Variants in WHAMM observed in about 807,000 individuals in gnomAD.
WHAMM encodes the protein WASP homolog associated with actin, golgi membranes and microtubules.
Under a neutral mutation model 76.5 loss-of-function variants are expected in WHAMM, and 67 were observed. The observed-to-expected ratio is 0.88, with a 90% confidence interval of 0.72 to 1.07. The LOEUF (loss-of-function observed/expected upper bound fraction) is 1.07, where lower values mean the gene tolerates loss of function less well. WHAMM is among the 50% of genes least tolerant of loss of function. The pLI is 0.00. For synonymous variants in WHAMM, 419 were observed against 422.1 expected (o/e 0.99, Z 0.09); for missense variants, 1,021 against 1,051.1 (o/e 0.97, Z 0.40).
chr15:82,809,836 C>T lies in WHAMM; in HGVS notation c.110C>T (p.Ala37Val). The T allele has an allele frequency of 6.2e-7, 1 of 1,604,848 alleles. No homozygotes were observed. Among genetic ancestry groups the T allele is most frequent in the Non-Finnish European group, 8.5e-7 (1 of 1,176,684 alleles). Reference sequence around the variant, plus strand: ...CGCTTCCTGGTGGCCTGGAACGGCGCGGAGGGCAAGTTCGCTGTGACTTGT... The same window carrying T: ...CGCTTCCTGGTGGCCTGGAACGGCGTGGAGGGCAAGTTCGCTGTGACTTGT... ...RLRFLVAWNG[A>V]EGKFAVTCHD... The change falls in exon 1 of 10, where the codon GCG (alanine) becomes GTG (valine). Residue 37 changes from alanine (A) to valine (V), a missense_variant. By Grantham distance (64) the Ala-to-Val change is moderately conservative (BLOSUM62 0). This residue lies in a region of WHAMM where 501 missense variants were observed against 524.9 expected (regional missense o/e 0.95). Transcript: ENST00000286760.
intron 8 of WHAMM, 145 bp from the exon 9 acceptor site, chr15:82,830,454 A>G (rs2051007419): frequency 6.3e-6 from 8 of 1,264,516 alleles, no homozygotes; most frequent in Admixed American, 2.3e-5. Context: ...TTCGGTAGAA[A>G]GGATGGCTGT....
At position 82,809,996 on chromosome 15, in the gene WHAMM, G is replaced by T; in HGVS notation, c.270G>T (p.Ala90=). ...TCTCGGCCGCGGGGCTCCGCGGCGC[G>T]CACCGGCAGTTGGCGGCGCTGTGGC... ...GLLSAAGLRG[A]HRQLAALWPP... is the part of the protein sequence containing the mutation. The change falls in exon 1 of 10, where the codon GCG becomes GCT. Residue 90 remains alanine, a synonymous_variant. Transcript: ENST00000286760. 1 of 1,272,586 alleles carries T rather than the reference G, an allele frequency of 7.9e-7. No homozygotes were observed. Among genetic ancestry groups the T allele is most frequent in the Non-Finnish European group, 9.9e-7 (1 of 1,011,284 alleles). The allele number at this position is 1,272,586 out of a possible 1,614,324, so 78.8% of individuals were successfully genotyped here.
At chr15:82,826,281 C>T in intron 6 of WHAMM, 129 bp from the exon 7 acceptor site, 1 of 889,206 alleles carries the variant, frequency 1.1e-6, no homozygotes, top group Non-Finnish European at 1.8e-6. Context: ...TACCATTGGG[C>T]CGCTCCAGAA....
rs1402185389 is a variant in WHAMM, at chr15:82,835,765, G to A, written c.*2229G>A. 1 of 152,290 alleles carries A rather than the reference G, an allele frequency of 6.6e-6. No individual in the cohort carries two copies. The highest frequency in any genetic ancestry group is 2.4e-5 in the African/African-American group (1 of 41,454). The allele number at this position is 152,290 out of a possible 1,614,324, so 9.4% of individuals were successfully genotyped here. A position where few individuals can be genotyped will look rare whatever the true frequency, so the allele number is the denominator to read the frequency against. On this transcript the variant is annotated 3_prime_UTR_variant, in exon 10 of 10. Coordinates refer to ENST00000286760, the MANE Select transcript of WHAMM (RefSeq NM_001080435.3). ...GGACGCAACCTGCGGGCTACTCGCT[G>A]GGCATCAGGTCCAGATCCCAGAGAC...
At chr15:82,814,766 CTTTTT>C (rs773443880) in intron 2 of WHAMM, among the ~76,000 whole-genome samples, 1 of 94,770 alleles carries the variant, frequency 1.1e-5, no homozygotes, top group African/African-American at 4.5e-5. Flanking sequence ...TTTTTCCTTT[CTTTTT>C]TTTTTTTTTT....
At chr15:82,819,832 A>C (rs1247255230) in intron 5 of WHAMM, among the ~76,000 whole-genome samples, 1 of 152,144 alleles carries the variant, frequency 6.6e-6, no homozygotes, top group Admixed American at 6.5e-5. Context: ...CATCTCTACT[A>C]AAAATACAAA....
chr15:82,812,115 G>T (rs550935431), intron 1 of WHAMM, among the ~76,000 whole-genome samples: 1 of 152,338 alleles, frequency 6.6e-6, no homozygotes, highest in African/African-American at 2.4e-5. Flanking sequence ...CACAGTTGAG[G>T]CTCTGTAAAT....
Position 82,833,238 on chromosome 15 carries a change from A to T in WHAMM, c.2132A>T (p.Asp711Val), listed in dbSNP as rs552489284. Residue 711 changes from aspartate (D) to valine (V), a missense_variant, in exon 10 of 10, where the codon GAT (aspartate) becomes GTT (valine). Transcript: ENST00000286760. ...GCTTATTCAATTTCAGGATCTATGGATGAAGTGTTGGCCTCCTTAAGGCAT... is the reference window on the plus strand; with the variant it reads ...GCTTATTCAATTTCAGGATCTATGGTTGAAGTGTTGGCCTCCTTAAGGCAT... ...LESFSCPGSM[D>V]EVLASLRHGR... is the part of the protein sequence containing the mutation. 1.9e-6 allele frequency: 3 copies of T among 1,613,546 alleles called. No individual in the cohort carries two copies. The African/African-American group carries it at 4.0e-5, about 21-fold the overall frequency.
intron 8 of WHAMM, among the ~76,000 whole-genome samples, chr15:82,827,424 T>C (rs955200909): frequency 1.3e-5 from 2 of 152,200 alleles, no homozygotes; most frequent in Admixed American, 1.3e-4. Context: ...TTTTTCTATT[T>C]GTTGACTTTA....
chr15:82,813,102 G>C lies in WHAMM; in HGVS notation c.610-1G>C. ...GAGCTTTATTCACATTTGCTTTCTA[G>C]GTTATTCAAGGACACGGAAAAGCCA... On this transcript the variant is annotated splice_acceptor_variant, in intron 1 of 9. Coordinates refer to ENST00000286760, the MANE Select transcript of WHAMM (RefSeq NM_001080435.3). LOFTEE classifies it high-confidence loss of function. 1 of 1,595,402 alleles carries C rather than the reference G, an allele frequency of 6.3e-7. No individual in the cohort carries two copies. The highest frequency in any genetic ancestry group is 8.5e-7 in the Non-Finnish European group (1 of 1,173,450).
chr15:82,810,434 G>C, intron 1 of WHAMM, 99 bp downstream of exon 1: 1 of 1,220,692 alleles, frequency 8.2e-7, no homozygotes, highest in Non-Finnish European at 1.0e-6. Context: ...GACGGCTGAC[G>C]GGGAGGAGCC....
chr15:82,819,217 T>C (rs1182598092), intron 4 of WHAMM, 106 bp from the exon 5 acceptor site: 7 of 402,864 alleles, frequency 1.7e-5, no homozygotes, highest in Non-Finnish European at 2.1e-5. Context: ...TGCTTTGTTA[T>C]ATTTAGTACT....
In WHAMM at chr15:82,830,956, C is replaced by T; in HGVS notation, c.1999C>T (p.Gln667Ter). 3 of 1,568,960 alleles carry T rather than the reference C, an allele frequency of 1.9e-6. No homozygotes were observed. Among genetic ancestry groups the T allele is most frequent in the Non-Finnish European group, 2.6e-6 (3 of 1,153,342 alleles). The change falls in exon 9 of 10, where the codon CAA (glutamine) becomes TAA (stop). Residue 667 changes from glutamine (Q) to a stop codon, truncating the protein, a stop_gained. Coordinates refer to ENST00000286760, the MANE Select transcript of WHAMM (RefSeq NM_001080435.3). LOFTEE classifies it high-confidence loss of function. Reference sequence around the variant, plus strand: ...TCTCCGTGCTCTGTCCTCATCCTCTCAAGCTGCAACTCATCAGAACTTAGG... The same window carrying T: ...TCTCCGTGCTCTGTCCTCATCCTCTTAAGCTGCAACTCATCAGAACTTAGG... Reference protein sequence around the residue: ...PPLRALSSSSQAATHQNLGFR... With the variant: ...PPLRALSSSS
chr15:82,826,982 G>A, intron 8 of WHAMM, 136 bp downstream of exon 8: 2 of 1,007,274 alleles, frequency 2.0e-6, no homozygotes, highest in Non-Finnish European at 2.8e-6. Context: ...CATTATTTCT[G>A]GTATATCAAT....
Position 82,830,814 on chromosome 15 carries a change from G to C in WHAMM, c.1857G>C (p.Gln619His), listed in dbSNP as rs2051015033. The change falls in exon 9 of 10, where the codon CAG becomes CAC. Residue 619 changes from glutamine (Q) to histidine (H), a missense_variant. Gln to His is a conservative substitution (Grantham distance 24, BLOSUM62 0). Coordinates refer to ENST00000286760, the MANE Select transcript of WHAMM (RefSeq NM_001080435.3). ...ACTGTCATGGAAATATCCCTGTCCA[G>C]GTTTTTGTTCCAGTTGGTGATCAAA... ...CQNCHGNIPV[Q>H]VFVPVGDQTH... 6.2e-7 allele frequency: 1 copy of C among 1,608,874 alleles called. No homozygotes were observed. The highest frequency in any genetic ancestry group is 1.1e-5 in the South Asian group (1 of 90,482).
At chr15:82,820,859 C>A (rs1451282289) in intron 5 of WHAMM, among the ~76,000 whole-genome samples, 1 of 147,842 alleles carries the variant, frequency 6.8e-6, no homozygotes, top group East Asian at 2.0e-4. Flanking sequence ...GGTGCCACTG[C>A]ACTCCAGCCT....
At chr15:82,818,547 C>T (rs2050766994) in intron 4 of WHAMM, among the ~76,000 whole-genome samples, 1 of 152,208 alleles carries the variant, frequency 6.6e-6, no homozygotes, top group African/African-American at 2.4e-5. Flanking sequence ...ATACCAAGCT[C>T]AGTATTGAAA....
chr15:82,826,341 C>T, intron 6 of WHAMM, 69 bp from the exon 7 acceptor site: 5 of 1,544,710 alleles, frequency 3.2e-6, no homozygotes, highest in Admixed American at 1.7e-5. Context: ...GTGCTTTTTT[C>T]TTTTAATCTT....
At position 82,809,631 on chromosome 15, in the gene WHAMM, G is replaced by A; in HGVS notation, c.-96G>A. 8.9e-7 allele frequency: 1 copy of A among 1,122,270 alleles called. No individual in the cohort carries two copies. The highest frequency in any genetic ancestry group is 2.8e-5 in the South Asian group (1 of 35,280). The allele number at this position is 1,122,270 out of a possible 1,614,324, so 69.5% of individuals were successfully genotyped here. A position where few individuals can be genotyped will look rare whatever the true frequency, so the allele number is the denominator to read the frequency against. On this transcript the variant is annotated 5_prime_UTR_variant, in exon 1 of 10. Coordinates refer to ENST00000286760, the MANE Select transcript of WHAMM (RefSeq NM_001080435.3). ...GGGCACTGACGCGGTTTCGATTCTAGCGAAAAATGATTTGGCTCGGACTGT... is the reference window on the plus strand; with the variant it reads ...GGGCACTGACGCGGTTTCGATTCTAACGAAAAATGATTTGGCTCGGACTGT...
Sources: gnomAD v4.1 joint callset for allele counts (sites outside exome capture counted in the v4.1 genomes callset) on GRCh38, gnomAD v4.1.1 for gene constraint, gnomAD v4.1.1 regional missense constraint, MANE v1.5 for transcripts, NCBI Gene and HGNC (gene_info 2026-07-23, HGNC 2026-07-21) for gene names.